The following RAB38 variants were observed in gnomAD, a reference collection of about 807,000 sequenced individuals.
RAB38 encodes RAB38, member RAS oncogene family, also known as ras-related protein Rab-38.
A neutral mutation model predicts 18.4 loss-of-function variants in RAB38; 15 were observed. The observed-to-expected ratio is 0.82, with a 90% CI of 0.55 to 1.26. The LOEUF (loss-of-function observed/expected upper bound fraction) is 1.26. Ranked by LOEUF, RAB38 falls within the 50% of genes most tolerant of loss-of-function variation. The pLI, the probability that RAB38 is intolerant of heterozygous loss-of-function variation, is 0.00. For missense variants in RAB38, 294 were observed against 267.4 expected, an observed-to-expected ratio of 1.10 and a Z score of -0.69; for synonymous variants, 101 against 104.4, an observed-to-expected ratio of 0.97 and a Z score of 0.20.
the RAB38 span, among the ~76,000 whole-genome samples, chr11:88,084,486 T>C: frequency 1.1e-4 from 16 of 151,762 alleles, no homozygotes; most frequent in Middle Eastern, 3.2e-3. Flanking sequence ...TGGTGAAGGA[T>C]TCAGAGATCG....
the RAB38 span, among the ~76,000 whole-genome samples, chr11:88,023,362 A>C: frequency 7.3e-6 from 1 of 136,134 alleles, no homozygotes; most frequent in African/African-American, 2.9e-5. Context: ...AGCTCTCTAC[A>C]AAAAAAAAAC....
chr11:88,094,425 G>A, the RAB38 span, among the ~76,000 whole-genome samples: 3 of 151,684 alleles, frequency 2.0e-5, no homozygotes, highest in Non-Finnish European at 2.9e-5. Context: ...CATTTCTGAG[G>A]CCTACCCTAG....
the RAB38 span, among the ~76,000 whole-genome samples, chr11:88,021,640 A>C: frequency 6.7e-6 from 1 of 148,762 alleles, no homozygotes; most frequent in African/African-American, 2.5e-5. Context: ...ACTCAGGCTG[A>C]GGTGCAGTGG....
chr11:87,975,699 C>T, the RAB38 span, among the ~76,000 whole-genome samples: 1 of 151,626 alleles, frequency 6.6e-6, no homozygotes, highest in Admixed American at 6.6e-5. Context: ...TTCTATAAAT[C>T]TTTAATTCTA....
the RAB38 span, among the ~76,000 whole-genome samples, chr11:87,864,528 C>T: frequency 0.12 from 18,391 of 151,374 alleles, 1,304 homozygotes; most frequent in East Asian, 0.34. Flanking sequence ...TTCATGTTTT[C>T]TTGGAATATC....
At chr11:88,064,422 A>C in the RAB38 span, among the ~76,000 whole-genome samples, 8 of 152,194 alleles carry the variant, frequency 5.3e-5, no homozygotes, top group Non-Finnish European at 4.4e-5. Context: ...GCTGTTACCC[A>C]TGTGATCTTG....
At chr11:88,011,465 A>G in the RAB38 span, among the ~76,000 whole-genome samples, 2 of 152,234 alleles carry the variant, frequency 1.3e-5, no homozygotes, top group African/African-American at 2.4e-5. Flanking sequence ...ATAGAGTAAC[A>G]TAAATAGTAA....
At chr11:88,169,654 C>A (rs907019450) in intron 1 of RAB38, among the ~76,000 whole-genome samples, 1 of 152,186 alleles carries the variant, frequency 6.6e-6, no homozygotes, top group Non-Finnish European at 1.5e-5. Context: ...TCAAGTTGTG[C>A]AGCCCTGACG....
At chr11:88,141,304 C>A (rs555421239) in intron 2 of RAB38, among the ~76,000 whole-genome samples, 1 of 152,216 alleles carries the variant, frequency 6.6e-6, no homozygotes, top group South Asian at 2.1e-4. Flanking sequence ...TTGATTATCA[C>A]AACTGATTGG....
chr11:88,173,710 AGAG>A (rs1943340078), intron 1 of RAB38: 1 of 709,836 alleles, frequency 1.4e-6, no homozygotes. Flanking sequence ...AAGTACACAG[AGAG>A]AATTTTTTTA....
At chr11:88,038,405 T>G in the RAB38 span, among the ~76,000 whole-genome samples, 1 of 152,228 alleles carries the variant, frequency 6.6e-6, no homozygotes, top group African/African-American at 2.4e-5. Flanking sequence ...GGTATATTTT[T>G]CTCCATAATG....
At chr11:87,825,697 G>T in the RAB38 span, among the ~76,000 whole-genome samples, 16 of 152,270 alleles carry the variant, frequency 1.1e-4, no homozygotes, top group African/African-American at 3.8e-4. Context: ...AAGGCCTAAA[G>T]AGGGAAGCAG....
chr11:88,043,170 T>C, the RAB38 span, among the ~76,000 whole-genome samples: 21 of 152,304 alleles, frequency 1.4e-4, no homozygotes, highest in East Asian at 2.5e-3. Context: ...TGCACATTGT[T>C]CCAAGACTGT....
the RAB38 span, among the ~76,000 whole-genome samples, chr11:87,920,133 G>T: frequency 5.3e-5 from 8 of 151,740 alleles, no homozygotes; most frequent in East Asian, 1.9e-4. Context: ...TTTATAATCT[G>T]TATTTTATTT....
At chr11:88,159,028 C>G (rs895246083) in intron 1 of RAB38, among the ~76,000 whole-genome samples, 2 of 151,604 alleles carry the variant, frequency 1.3e-5, no homozygotes, top group Non-Finnish European at 3.0e-5. Context: ...CTAATGACTA[C>G]GAGAACTATA....
At chr11:87,848,336 T>G in the RAB38 span, among the ~76,000 whole-genome samples, 1 of 151,252 alleles carries the variant, frequency 6.6e-6, no homozygotes, top group African/African-American at 2.5e-5. Flanking sequence ...TTGCAGTCTG[T>G]CTTTAACCCT....
the RAB38 span, among the ~76,000 whole-genome samples, chr11:88,034,733 C>T: frequency 1.5e-4 from 23 of 152,230 alleles, no homozygotes; most frequent in African/African-American, 5.3e-4. Flanking sequence ...AGTTCTTTGA[C>T]CTTACACCTT....
the RAB38 span, among the ~76,000 whole-genome samples, chr11:87,930,573 G>A: frequency 6.6e-6 from 1 of 152,136 alleles, no homozygotes; most frequent in African/African-American, 2.4e-5. Context: ...AGTTTAATTA[G>A]ATCCCATTTG....
chr11:88,123,710 C>T (rs1942657371), intron 2 of RAB38, among the ~76,000 whole-genome samples: 1 of 152,076 alleles, frequency 6.6e-6, no homozygotes, highest in East Asian at 1.9e-4. Flanking sequence ...TGTACTTAGG[C>T]AAAATATTTA....
Sources: gnomAD v4.1 joint callset for allele counts (sites outside exome capture counted in the v4.1 genomes callset) on GRCh38, gnomAD v4.1.1 for gene constraint, MANE v1.5 for transcripts, NCBI Gene and HGNC (gene_info 2026-07-23, HGNC 2026-07-21) for gene names.